PCCA: variants seen among roughly 807,000 people sequenced by gnomAD.
The protein encoded by PCCA is propionyl-CoA carboxylase subunit alpha.
Under a neutral mutation model 101.3 loss-of-function variants are expected in PCCA, and 74 were observed. The ratio of observed to expected loss-of-function variants is 0.73; its 90% confidence interval spans 0.61 to 0.89. PCCA has a LOEUF of 0.89. Among genes scored for constraint, PCCA ranks in the 40% least tolerant of loss-of-function variants. The pLI, the probability that PCCA is intolerant of heterozygous loss-of-function variation, is 0.00. For synonymous variants in PCCA, 294 were observed against 313.6 expected, an observed-to-expected ratio of 0.94 and a Z score of 0.66; for missense variants, 891 against 907.0, an observed-to-expected ratio of 0.98 and a Z score of 0.23.
intron 4 of PCCA, among the ~76,000 whole-genome samples, chr13:100,153,706 C>T (rs542758262): frequency 3.8e-4 from 58 of 152,170 alleles, no homozygotes; most frequent in African/African-American, 1.3e-3. Flanking sequence ...GAAGGCCTTG[C>T]TTTGAACACA....
chr13:100,474,464 CTCTCTGTCTCTG>C (rs67875982), intron 21 of PCCA, among the ~76,000 whole-genome samples: 2 of 149,252 alleles, frequency 1.3e-5, no homozygotes, highest in East Asian at 4.0e-4. Flanking sequence ...CTCTCTCTCT[CTCTCTGTCTCTG>C]TCTCTGTCTC....
chr13:100,357,815 TTG>T lies in PCCA; in HGVS notation c.1644-10655_1644-10654del. Among the ~76,000 whole-genome samples, 3 of 152,300 alleles carry T rather than the reference TTG, an allele frequency of 2.0e-5. No individual in the cohort carries two copies. In the South Asian group the frequency reaches 6.2e-4, roughly 32 times the overall value. ...AGGTCTCAGAGAATGATGTTCAGTG[TTG>T]TCAGAACTGCTGGAAATTAAGCAGG... is the stretch of plus-strand genomic sequence containing the variant. On this transcript the variant is annotated intron_variant, in intron 18 of 23. Transcript: ENST00000376285.
intron 17 of PCCA, among the ~76,000 whole-genome samples, chr13:100,336,309 A>G (rs897384951): frequency 3.3e-5 from 5 of 152,226 alleles, no homozygotes; most frequent in Middle Eastern, 3.4e-3. Context: ...AGAAAACACT[A>G]CATGTAATGG....
At chr13:100,246,564 C>T (rs372019983) in intron 8 of PCCA, among the ~76,000 whole-genome samples, 106 of 152,014 alleles carry the variant, frequency 7.0e-4, no homozygotes, top group Middle Eastern at 3.4e-3. Context: ...CTGGGCTCTA[C>T]TGATCCTCCT....
At chr13:100,366,568 C>T (rs912416742) in intron 18 of PCCA, among the ~76,000 whole-genome samples, 4 of 152,084 alleles carry the variant, frequency 2.6e-5, no homozygotes, top group African/African-American at 9.7e-5. Context: ...AAGAGGAATA[C>T]TGGCACAGAA....
At chr13:100,282,698 A>G (rs1566859388) in intron 12 of PCCA, among the ~76,000 whole-genome samples, 1 of 152,250 alleles carries the variant, frequency 6.6e-6, no homozygotes, top group Non-Finnish European at 1.5e-5. Context: ...ACAAATTACA[A>G]TACTATCCTG....
intron 17 of PCCA, among the ~76,000 whole-genome samples, chr13:100,331,935 T>A (rs1293644469): frequency 4.4e-5 from 1 of 22,584 alleles, no homozygotes; most frequent in South Asian, 7.8e-4. Flanking sequence ...TTACTTTGGA[T>A]TTTTTTTTTT....
At chr13:100,096,274 A>G (rs1299441725) in intron 1 of PCCA, among the ~76,000 whole-genome samples, 9 of 152,008 alleles carry the variant, frequency 5.9e-5, no homozygotes, top group African/African-American at 2.2e-4. Flanking sequence ...TTTTTTCATT[A>G]TTACTATGTC....
At chr13:100,467,992 C>T (rs764184475) in intron 21 of PCCA, among the ~76,000 whole-genome samples, 9 of 152,148 alleles carry the variant, frequency 5.9e-5, no homozygotes, top group African/African-American at 9.7e-5. Context: ...AAAGCTGAAA[C>T]GACTGCTTGA....
intron 19 of PCCA, among the ~76,000 whole-genome samples, chr13:100,395,168 T>A (rs1420053089): frequency 6.6e-6 from 1 of 152,240 alleles, no homozygotes; most frequent in Non-Finnish European, 1.5e-5. Flanking sequence ...TTTAGACTGT[T>A]CAAGCTTAAA....
rs114357442 is a variant in PCCA, at chr13:100,381,796, C to T, written c.1746+13222C>T. ...CACTGGAACTGACCAGCCGTTTTGG[C>T]GCCAGTGGGATCAAACTCCACTCAT... On this transcript the variant is annotated intron_variant, in intron 19 of 23. Coordinates refer to ENST00000376285, the MANE Select transcript of PCCA (RefSeq NM_000282.4). Among the ~76,000 whole-genome samples, 502 of 152,312 alleles carry T rather than the reference C, an allele frequency of 3.3e-3. 3 individuals are homozygous for T. Among genetic ancestry groups the T allele is most frequent in the African/African-American group, 0.011 (465 of 41,578 alleles).
chr13:100,110,735 T>C (rs568388015), intron 2 of PCCA, among the ~76,000 whole-genome samples: 1 of 152,226 alleles, frequency 6.6e-6, no homozygotes, highest in African/African-American at 2.4e-5. Flanking sequence ...AAACAACTCA[T>C]GACACTTAGA....
At chr13:100,155,688 C>CT (rs999377223) in intron 5 of PCCA, among the ~76,000 whole-genome samples, 3 of 151,844 alleles carry the variant, frequency 2.0e-5, no homozygotes, top group African/African-American at 7.3e-5. Flanking sequence ...TTTCTTTTTT[C>CT]TTTTTTTAAT....
At chr13:100,446,916 T>G (rs527932097) in intron 20 of PCCA, among the ~76,000 whole-genome samples, 2 of 152,306 alleles carry the variant, frequency 1.3e-5, no homozygotes, top group South Asian at 4.1e-4. Context: ...GTTTTTCATA[T>G]CTTGAAACTT....
intron 20 of PCCA, among the ~76,000 whole-genome samples, chr13:100,432,335 A>C (rs2152903370): frequency 6.6e-6 from 1 of 152,284 alleles, no homozygotes; most frequent in Middle Eastern, 3.4e-3. Flanking sequence ...TTTTTCGCTT[A>C]ATACGATCCT....
At chr13:100,229,523 A>C (rs1246772313) in intron 7 of PCCA, among the ~76,000 whole-genome samples, 17 of 152,256 alleles carry the variant, frequency 1.1e-4, no homozygotes, top group Non-Finnish European at 1.2e-4. Flanking sequence ...CCAAGCAAGC[A>C]TTAAGTCATA....
At chr13:100,274,551 G>A (rs2150883) in intron 12 of PCCA, among the ~76,000 whole-genome samples, 71,304 of 151,814 alleles carry the variant, frequency 0.47, 16,842 homozygotes, top group Middle Eastern at 0.54. Context: ...TTCCTTCCTG[G>A]GGGGTTGGAG....
At chr13:100,529,287 G>C (rs993569811) in intron 23 of PCCA, among the ~76,000 whole-genome samples, 1 of 152,132 alleles carries the variant, frequency 6.6e-6, no homozygotes, top group Non-Finnish European at 1.5e-5. Flanking sequence ...CTCTAGTAGG[G>C]CTGCTAAATG....
At chr13:100,414,361 G>T (rs1219284300) in intron 19 of PCCA, among the ~76,000 whole-genome samples, 1 of 152,192 alleles carries the variant, frequency 6.6e-6, no homozygotes, top group Non-Finnish European at 1.5e-5. Context: ...CTAGAGGTAT[G>T]ATAGCTCTGT....
Sources: allele counts gnomAD v4.1 joint callset (sites outside exome capture counted in the v4.1 genomes callset), GRCh38; gene constraint gnomAD v4.1.1; transcripts MANE v1.5; gene names NCBI Gene and HGNC (gene_info 2026-07-23, HGNC 2026-07-21).